Variants in CRB1 observed in about 807,000 individuals in gnomAD.
CRB1 encodes the protein protein crumbs homolog 1.
CRB1 carries 83 observed loss-of-function variants against 120.0 expected under a neutral mutation model. The observed-to-expected ratio is 0.69, with a 90% CI of 0.58 to 0.83. CRB1 has a LOEUF of 0.83. Among genes scored for constraint, CRB1 ranks in the 40% least tolerant of loss-of-function variants. CRB1 has a pLI of 0.00. For synonymous variants in CRB1, 625 were observed against 612.5 expected, an observed-to-expected ratio of 1.02 and a Z score of -0.30; for missense variants, 1,699 against 1,687.6, an observed-to-expected ratio of 1.01 and a Z score of -0.12.
chr1:197,431,842 A>G (rs1664883938), intron 8 of CRB1, among the ~76,000 whole-genome samples: 1 of 152,216 alleles, frequency 6.6e-6, no homozygotes, highest in Admixed American at 6.5e-5. Context: ...GGAATTATAA[A>G]TCAATTTTCT....
At chr1:197,432,553 T>C (rs1403607580) in intron 8 of CRB1, among the ~76,000 whole-genome samples, 1 of 152,166 alleles carries the variant, frequency 6.6e-6, no homozygotes, top group Non-Finnish European at 1.5e-5. Flanking sequence ...TCATAGAGTA[T>C]TCATTTAATT....
intron 4 of CRB1, among the ~76,000 whole-genome samples, chr1:197,354,103 T>TA: frequency 6.6e-6 from 1 of 151,918 alleles, no homozygotes; most frequent in South Asian, 2.1e-4. Context: ...TGAGATACTA[T>TA]ATTTTATCCA....
the CRB1 span, among the ~76,000 whole-genome samples, chr1:197,247,294 A>G: frequency 6.6e-6 from 1 of 152,044 alleles, no homozygotes; most frequent in Admixed American, 6.6e-5. Context: ...TTTTTATTAT[A>G]AATGTTTTTG....
At chr1:197,472,351 C>A (rs761950651) in intron 11 of CRB1, among the ~76,000 whole-genome samples, 2 of 152,138 alleles carry the variant, frequency 1.3e-5, no homozygotes, top group Non-Finnish European at 2.9e-5. Context: ...CATTTTTAAC[C>A]GCAAACATAC....
intron 1 of CRB1, among the ~76,000 whole-genome samples, chr1:197,286,830 A>T (rs1334967339): frequency 1.3e-5 from 2 of 151,936 alleles, no homozygotes; most frequent in African/African-American, 4.8e-5. Context: ...AATTTAATGC[A>T]AAGCCATATG....
At chr1:197,363,426 G>A (rs984470800) in intron 5 of CRB1, among the ~76,000 whole-genome samples, 2 of 152,042 alleles carry the variant, frequency 1.3e-5, no homozygotes, top group Admixed American at 6.6e-5. Flanking sequence ...CTTTGAGAAT[G>A]TGTTTATTGC....
chr1:197,358,086 C>A (rs1370225917), intron 5 of CRB1: 3 of 152,036 alleles, frequency 2.0e-5, no homozygotes, highest in Non-Finnish European at 4.4e-5. Flanking sequence ...ATAATATTTC[C>A]CAATTATGTA....
chr1:197,219,476 G>T, the CRB1 span, among the ~76,000 whole-genome samples: 6 of 152,288 alleles, frequency 3.9e-5, no homozygotes, highest in Admixed American at 3.3e-4. Context: ...ACTGTCTAGT[G>T]CCAGGTCCAT....
At chr1:197,474,996 A>G (rs1187912897) in intron 11 of CRB1, among the ~76,000 whole-genome samples, 12 of 152,122 alleles carry the variant, frequency 7.9e-5, no homozygotes, top group Admixed American at 7.9e-4. Context: ...AAAACATATA[A>G]TTATTTACAA....
chr1:197,389,224 G>A (rs2476016), intron 5 of CRB1, among the ~76,000 whole-genome samples: 10,460 of 152,088 alleles, frequency 0.069, 1,268 homozygotes, highest in African/African-American at 0.24. Context: ...TTAAAGAGGG[G>A]CAGCATTATT....
intron 11 of CRB1, among the ~76,000 whole-genome samples, chr1:197,466,446 T>G (rs1381551425): frequency 2.0e-5 from 3 of 152,200 alleles, no homozygotes; most frequent in Non-Finnish European, 4.4e-5. Flanking sequence ...CTTATTCGAA[T>G]GTAGGCTTGG....
Position 197,435,235 on chromosome 1 carries a change from A to C in CRB1, c.3372A>C (p.Gln1124His), listed in dbSNP as rs376135634. ...TCATTAATAAACCTCAGGAAGAGCA[A>C]TTTCTCAAAATCTCTACCAATTCAG... ...HGFINKPQEE[Q>H]FLKISTNSVV... is the part of the protein sequence containing the mutation. The change falls in exon 9 of 12, where the codon CAA becomes CAC. Residue 1124 changes from glutamine (Q) to histidine (H), a missense_variant. By Grantham distance (24) the Gln-to-His change is conservative. Coordinates refer to ENST00000367400, the MANE Select transcript of CRB1 (RefSeq NM_201253.3). The C allele has an allele frequency of 3.7e-6, 6 of 1,613,726 alleles. No individual in the cohort carries two copies. Among genetic ancestry groups the C allele is most frequent in the Non-Finnish European group, 5.1e-6 (6 of 1,179,850 alleles).
chr1:197,371,824 T>A (rs977113894), intron 5 of CRB1, among the ~76,000 whole-genome samples: 4 of 152,130 alleles, frequency 2.6e-5, no homozygotes, highest in African/African-American at 7.2e-5. Flanking sequence ...AGAAGCCTGC[T>A]CCTTGTCCCA....
intron 7 of CRB1, chr1:197,429,241 C>T: frequency 7.1e-7 from 1 of 1,404,776 alleles, no homozygotes; most frequent in Non-Finnish European, 9.5e-7. Flanking sequence ...TTTTCTCTCT[C>T]TCTGCCACCA....
intron 5 of CRB1, among the ~76,000 whole-genome samples, chr1:197,420,063 C>T (rs1664222590): frequency 6.6e-6 from 1 of 150,686 alleles, no homozygotes. Flanking sequence ...TTAGACTTCA[C>T]TCTTTCTACA....
In CRB1 at chr1:197,354,035, AC is replaced by A. The variant is rs1356740819; in HGVS notation, c.989-2795del. The stretch of plus-strand genomic sequence containing the variant: ...TATGAAATGGTAAAAAAAAAAAAAA[AC>A]ACCCCCAAAATGTTCAGCTCAATAT... On this transcript the variant is annotated intron_variant, in intron 4 of 11. Transcript: ENST00000367400. 2.6e-3 allele frequency among the ~76,000 whole-genome samples: 395 copies of A among 150,168 alleles called. 2 individuals carry two copies. The highest frequency in any genetic ancestry group is 8.6e-3 in the African/African-American group (355 of 41,146).
intron 1 of CRB1, among the ~76,000 whole-genome samples, chr1:197,271,834 G>A (rs1360833413): frequency 6.6e-6 from 1 of 151,808 alleles, no homozygotes; most frequent in Non-Finnish European, 1.5e-5. Flanking sequence ...TAAATTTGGG[G>A]GTAAACAATA....
chr1:197,401,329 T>G (rs1299826786), intron 5 of CRB1, among the ~76,000 whole-genome samples: 1 of 152,148 alleles, frequency 6.6e-6, no homozygotes, highest in Non-Finnish European at 1.5e-5. Flanking sequence ...TTAAAAACAT[T>G]TTTTAAATGT....
chr1:197,257,384 A>G, the CRB1 span, among the ~76,000 whole-genome samples: 1 of 152,110 alleles, frequency 6.6e-6, no homozygotes, highest in Non-Finnish European at 1.5e-5. Context: ...ACCCAGAAAT[A>G]ATGTTTTACA....
Sources: gnomAD v4.1 joint callset for allele counts (sites outside exome capture counted in the v4.1 genomes callset) on GRCh38, gnomAD v4.1.1 for gene constraint, MANE v1.5 for transcripts, NCBI Gene and HGNC (gene_info 2026-07-23, HGNC 2026-07-21) for gene names.